SORCS2: variants seen among roughly 807,000 people sequenced by gnomAD.
SORCS2 encodes sortilin related VPS10 domain containing receptor 2.
In SORCS2, 100 loss-of-function variants were observed where a neutral mutation model predicts 141.6. The observed-to-expected ratio is 0.71, with a 90% CI of 0.60 to 0.83. The LOEUF (loss-of-function observed/expected upper bound fraction) is 0.83. Among genes scored for constraint, SORCS2 ranks in the 40% least tolerant of loss-of-function variants. The probability of loss-of-function intolerance (pLI) is 0.00; values close to 1 mark genes in which losing one functional copy is unlikely to be tolerated. For synonymous variants in SORCS2, 789 were observed against 676.9 expected (o/e 1.17, Z -2.57); for missense variants, 1,646 against 1,560.2 (o/e 1.05, Z -0.93).
At chr4:7,689,453 TGTTGACA>T (rs1395972535) in intron 10 of SORCS2, 26 bp from the exon 11 acceptor site, 6 of 1,553,338 alleles carry the variant, frequency 3.9e-6, no homozygotes, top group Non-Finnish European at 5.2e-6. Flanking sequence ...CCTACTCATG[TGTTGACA>T]GTTGCGTCCT....
At chr4:7,391,515 CA>C (rs1680625123) in intron 1 of SORCS2, among the ~76,000 whole-genome samples, 1 of 151,934 alleles carries the variant, frequency 6.6e-6, no homozygotes, top group Non-Finnish European at 1.5e-5. Flanking sequence ...CTGTGGTGAT[CA>C]GGGGGTGGGG....
intron 2 of SORCS2, among the ~76,000 whole-genome samples, chr4:7,494,137 T>A (rs997153079): frequency 6.6e-6 from 1 of 152,216 alleles, no homozygotes; most frequent in Non-Finnish European, 1.5e-5. Flanking sequence ...GAGATCTTAT[T>A]CCGAATATAG....
chr4:7,322,023 G>C (rs1262123504), intron 1 of SORCS2, among the ~76,000 whole-genome samples: 1 of 152,204 alleles, frequency 6.6e-6, no homozygotes, highest in African/African-American at 2.4e-5. Flanking sequence ...TCCTAGTGAG[G>C]CTCCTCCAAG....
chr4:7,688,018 T>C (rs1172975461), intron 10 of SORCS2, among the ~76,000 whole-genome samples: 1 of 152,138 alleles, frequency 6.6e-6, no homozygotes, highest in Non-Finnish European at 1.5e-5. Context: ...AGCAGACAAA[T>C]AAAGCCTGTC....
At chr4:7,679,679 C>T (rs879911713) in intron 9 of SORCS2, among the ~76,000 whole-genome samples, 47 of 151,182 alleles carry the variant, frequency 3.1e-4, no homozygotes, top group African/African-American at 1.1e-3. Context: ...GCCCTGCCCA[C>T]GCCTTGAATT....
At chr4:7,477,883 G>T (rs993699825) in intron 2 of SORCS2, among the ~76,000 whole-genome samples, 1 of 152,170 alleles carries the variant, frequency 6.6e-6, no homozygotes, top group African/African-American at 2.4e-5. Flanking sequence ...AGAGGGTGGT[G>T]GCCATTGCAC....
chr4:7,453,179 T>TGTGTTGGGGTCAGGCTCC (rs1577588489), intron 2 of SORCS2, among the ~76,000 whole-genome samples: 2 of 128,318 alleles, frequency 1.6e-5, no homozygotes, highest in East Asian at 5.4e-4. Flanking sequence ...GGTCAGGCTC[T>TGTGTTGGGGTCAGGCTCC]GTGTTGGGGT....
chr4:7,633,153 G>T (rs1560441588), intron 3 of SORCS2, among the ~76,000 whole-genome samples: 1 of 152,172 alleles, frequency 6.6e-6, no homozygotes, highest in African/African-American at 2.4e-5. Context: ...GTCACCAGTG[G>T]CAGGAGTGGG....
At chr4:7,222,084 T>A (rs1486197146) in intron 1 of SORCS2, among the ~76,000 whole-genome samples, 1 of 152,032 alleles carries the variant, frequency 6.6e-6, no homozygotes, top group East Asian at 1.9e-4. Flanking sequence ...AAAGGGCGTT[T>A]TGGGACCTCA....
chr4:7,403,130 G>C (rs1033805429), intron 2 of SORCS2, among the ~76,000 whole-genome samples: 10 of 152,122 alleles, frequency 6.6e-5, no homozygotes, highest in African/African-American at 2.4e-4. Context: ...CTGATGGATG[G>C]TGTATTAGTC....
intron 12 of SORCS2, among the ~76,000 whole-genome samples, chr4:7,699,890 T>C (rs1724949694): frequency 6.6e-6 from 1 of 152,092 alleles, no homozygotes; most frequent in Admixed American, 6.5e-5. Context: ...CCTAAATCAT[T>C]GTGGGAGCCT....
At chr4:7,559,413 G>T (rs1238223648) in intron 3 of SORCS2, among the ~76,000 whole-genome samples, 1 of 152,212 alleles carries the variant, frequency 6.6e-6, no homozygotes, top group African/African-American at 2.4e-5. Context: ...ACCTGGAGGA[G>T]GCCCAGAGCT....
chr4:7,375,277 AG>A (rs770425619), intron 1 of SORCS2, among the ~76,000 whole-genome samples: 1 of 152,196 alleles, frequency 6.6e-6, no homozygotes, highest in Non-Finnish European at 1.5e-5. Flanking sequence ...TCATTGAATA[AG>A]GGTGTTGGAC....
chr4:7,474,917 G>A (rs1344201799), intron 2 of SORCS2, among the ~76,000 whole-genome samples: 1 of 152,164 alleles, frequency 6.6e-6, no homozygotes, highest in African/African-American at 2.4e-5. Flanking sequence ...GGCCCTGGCA[G>A]TCTGTGGCTT....
rs772156169 is a variant in SORCS2 at position 7,723,759 on chromosome 4, G to A, written c.2487G>A (p.Val829=). Residue 829 remains valine, a synonymous_variant, in exon 19 of 27, where the codon GTG becomes GTA. Transcript: ENST00000507866. ...DLGDGFKAMY[V]NLTLTGEPIR... is the part of the protein sequence containing the mutation. ...GGGACGGCTTCAAGGCCATGTACGT[G>A]AACCTTACACTGACCGGGGAGCCCA... 1 of 1,613,992 alleles carries A rather than the reference G, an allele frequency of 6.2e-7. No homozygotes were observed. Among genetic ancestry groups the A allele is most frequent in the Admixed American group, 1.7e-5 (1 of 60,022 alleles).
intron 25 of SORCS2, 54 bp downstream of exon 25, chr4:7,734,428 A>C (rs1421990876): frequency 3.9e-5 from 50 of 1,269,174 alleles, no homozygotes; most frequent in Non-Finnish European, 5.3e-5. Context: ...GGCCGTAGGA[A>C]GCCAGGCCCA....
At position 7,361,070 on chromosome 4, in the gene SORCS2, G is replaced by A. The variant is rs143981064; in HGVS notation, c.481-35218G>A. On this transcript the variant is annotated intron_variant, in intron 1 of 26. Transcript: ENST00000507866. ...TGAGGAACCTGTTCTGTTCCTTAGC[G>A]TTTTTGTCAAGCTCTGCCCGGCAGC... Among the ~76,000 whole-genome samples the A allele has an allele frequency of 4.3e-3, 655 of 152,170 alleles. 14 individuals carry two copies. The highest frequency in any genetic ancestry group is 0.014 in the East Asian group (72 of 5,152).
chr4:7,322,294 C>T (rs1280933460), intron 1 of SORCS2, among the ~76,000 whole-genome samples: 2 of 152,116 alleles, frequency 1.3e-5, no homozygotes, highest in Admixed American at 6.5e-5. Flanking sequence ...GGAGGAGCCT[C>T]GTGGTGGCCA....
intron 1 of SORCS2, among the ~76,000 whole-genome samples, chr4:7,281,422 C>T (rs547017983): frequency 1.1e-4 from 16 of 152,300 alleles, no homozygotes; most frequent in Admixed American, 5.9e-4. Context: ...CCTGCAGCTG[C>T]GCTCTGGAGA....
Sources: gnomAD v4.1 joint callset for allele counts (sites outside exome capture counted in the v4.1 genomes callset) on GRCh38, gnomAD v4.1.1 for gene constraint, MANE v1.5 for transcripts, NCBI Gene and HGNC (gene_info 2026-07-23, HGNC 2026-07-21) for gene names.